Variants in KIRREL3 observed in about 807,000 individuals in gnomAD.
KIRREL3 encodes kirre like nephrin family adhesion molecule 3.
A neutral mutation model predicts 89.7 loss-of-function variants in KIRREL3; 36 were observed. The observed-to-expected ratio is 0.40, with a 90% CI of 0.31 to 0.53. The LOEUF is 0.53. Among genes scored for constraint, KIRREL3 ranks in the 20% least tolerant of loss-of-function variants. The probability of loss-of-function intolerance (pLI) is 0.49; values close to 1 mark genes in which losing one functional copy is unlikely to be tolerated. For synonymous variants in KIRREL3, 445 were observed against 441.4 expected (o/e 1.01, Z -0.10); for missense variants, 864 against 1,056.6 (o/e 0.82, Z 2.53).
At chr11:126,472,141 A>G (rs1261190420) in intron 5 of KIRREL3, among the ~76,000 whole-genome samples, 1 of 152,226 alleles carries the variant, frequency 6.6e-6, no homozygotes, top group Non-Finnish European at 1.5e-5. Context: ...CTTCTTTAGT[A>G]TAAGTATGGC....
chr11:126,683,786 C>T lies in KIRREL3; in HGVS notation c.56-120874G>A, dbSNP rs1262892385. Among the ~76,000 whole-genome samples, 1 of 152,220 alleles carries T rather than the reference C, an allele frequency of 6.6e-6. No individual in the cohort carries two copies. Among genetic ancestry groups the T allele is most frequent in the Non-Finnish European group, 1.5e-5 (1 of 68,044 alleles). On this transcript the variant is annotated intron_variant, in intron 1 of 16. Transcript: ENST00000525144. This position sits in a 1 kb window ranked among gnomAD's most constrained non-coding sequence, Gnocchi z 5.2. The stretch of plus-strand genomic sequence containing the variant: ...TGCATTCAGCAGGCCTGGCAGCCTC[C>T]TCTCTCTTGGGATGCAAACTGCTTA...
intron 1 of KIRREL3, among the ~76,000 whole-genome samples, chr11:126,567,113 A>G (rs1438421529): frequency 6.6e-6 from 1 of 152,186 alleles, no homozygotes; most frequent in Non-Finnish European, 1.5e-5. Flanking sequence ...TTCCTCACCA[A>G]TTCTGTGTTC....
In KIRREL3 at chr11:126,791,328, G is replaced by C. The variant is rs1322134743; in HGVS notation, c.55+209127C>G. ...AGGGAGGGCAGGTGTTATCATAATA[G>C]GACATTCCAATTCATCGTCCCTGGC... On this transcript the variant is annotated intron_variant, in intron 1 of 16. Transcript: ENST00000525144. The surrounding 1 kb of genome is among the most constrained non-coding windows in gnomAD (Gnocchi z 4.8). Among the ~76,000 whole-genome samples, 1 of 152,204 alleles carries C rather than the reference G, an allele frequency of 6.6e-6. No individual in the cohort carries two copies. The highest frequency in any genetic ancestry group is 1.5e-5 in the Non-Finnish European group (1 of 68,042).
Position 126,954,442 on chromosome 11 carries a change from C to A in KIRREL3, c.55+46013G>T, listed in dbSNP as rs2135158075. 6.6e-6 allele frequency among the ~76,000 whole-genome samples: 1 copy of A among 152,192 alleles called. No individual in the cohort carries two copies. Among genetic ancestry groups the A allele is most frequent in the Non-Finnish European group, 1.5e-5 (1 of 68,006 alleles). ...CATGAAGGATCTGTAAATTACAAAT[C>A]ATCTGGGCCCTCAGAAATGCTTAAT... is the stretch of plus-strand genomic sequence containing the variant. On this transcript the variant is annotated intron_variant, in intron 1 of 16. Coordinates refer to ENST00000525144, the MANE Select transcript of KIRREL3 (RefSeq NM_032531.4). The surrounding 1 kb of genome is among the most constrained non-coding windows in gnomAD (Gnocchi z 4.1).
chr11:126,900,779 A>C lies in KIRREL3; in HGVS notation c.55+99676T>G, dbSNP rs1177987644. On this transcript the variant is annotated intron_variant, in intron 1 of 16. Transcript: ENST00000525144. The surrounding 1 kb of genome is among the most constrained non-coding windows in gnomAD (Gnocchi z 4.4). ...GGCAAAGTATTGATTGTATATCTTC[A>C]GGGCTGTTGAGCTCTTTCAGAGTAT... Among the ~76,000 whole-genome samples, 1 of 152,248 alleles carries C rather than the reference A, an allele frequency of 6.6e-6. No homozygotes were observed. Among genetic ancestry groups the C allele is most frequent in the African/African-American group, 2.4e-5 (1 of 41,460 alleles).
At chr11:126,667,664 G>A (rs1318492769) in intron 1 of KIRREL3, among the ~76,000 whole-genome samples, 1 of 152,172 alleles carries the variant, frequency 6.6e-6, no homozygotes, top group African/African-American at 2.4e-5. Context: ...CGGCTTAGTT[G>A]AATGGTCACC....
At position 126,435,218 on chromosome 11, in the gene KIRREL3, G is replaced by A. The variant is rs772185133; in HGVS notation, c.1588+50C>T. 12 of 1,603,418 alleles carry A rather than the reference G, an allele frequency of 7.5e-6. No individual in the cohort carries two copies. In the African/African-American group the frequency reaches 1.6e-4, roughly 21 times the overall value. ...CTGGGTTCCCTCCCCAGCTAGCCAG[G>A]AAGTCCCTTCCCCCCTTCCCAGGGC... On this transcript the variant is annotated intron_variant, in intron 13 of 16. Transcript: ENST00000525144.
Position 126,428,487 on chromosome 11 carries a change from T to A in KIRREL3, c.1806+692A>T, listed in dbSNP as rs1016403665. Among the ~76,000 whole-genome samples, 2 of 151,550 alleles carry A rather than the reference T, an allele frequency of 1.3e-5. No individual in the cohort carries two copies. Among genetic ancestry groups the A allele is most frequent in the East Asian group, 3.9e-4 (2 of 5,154 alleles). On this transcript the variant is annotated intron_variant, in intron 15 of 16. Transcript: ENST00000525144. The surrounding 1 kb of genome is among the most constrained non-coding windows in gnomAD (Gnocchi z 6.4). ...GACTGTTTTGGTGGGGTGCGGGGGATGAGGGAGAGGGACATGTATTGAATA... is the reference window on the plus strand; with the variant it reads ...GACTGTTTTGGTGGGGTGCGGGGGAAGAGGGAGAGGGACATGTATTGAATA...
At chr11:126,435,927 C>G (rs1321989556) in intron 12 of KIRREL3, among the ~76,000 whole-genome samples, 1 of 152,176 alleles carries the variant, frequency 6.6e-6, no homozygotes, top group Non-Finnish European at 1.5e-5. Flanking sequence ...CCTGGTCCAC[C>G]ATGGCTTAGC....
chr11:126,828,356 C>T (rs1943487769), intron 1 of KIRREL3, among the ~76,000 whole-genome samples: 1 of 152,006 alleles, frequency 6.6e-6, no homozygotes, highest in Non-Finnish European at 1.5e-5. Flanking sequence ...GTCTGAAAGG[C>T]AGGTCTCCTG....
At chr11:126,944,870 T>C (rs1034399284) in intron 1 of KIRREL3, 7 of 152,276 alleles carry the variant, frequency 4.6e-5, no homozygotes, top group African/African-American at 1.7e-4. Context: ...ATATTGGCTC[T>C]GACCAGATTT....
At chr11:126,589,316 G>A (rs901450360) in intron 1 of KIRREL3, among the ~76,000 whole-genome samples, 10 of 152,352 alleles carry the variant, frequency 6.6e-5, no homozygotes, top group South Asian at 6.2e-4. Context: ...TACAACCTGC[G>A]TGGGGTGTGG....
At position 126,843,835 on chromosome 11, in the gene KIRREL3, C is replaced by T. The variant is rs1489871774; in HGVS notation, c.55+156620G>A. Among the ~76,000 whole-genome samples the T allele has an allele frequency of 1.3e-5, 2 of 152,122 alleles. No homozygotes were observed. The highest frequency in any genetic ancestry group is 4.8e-5 in the African/African-American group (2 of 41,412). On this transcript the variant is annotated intron_variant, in intron 1 of 16. Transcript: ENST00000525144. The surrounding 1 kb of genome is among the most constrained non-coding windows in gnomAD (Gnocchi z 4.6). The stretch of plus-strand genomic sequence containing the variant: ...GTCATCCTCACTGCTACACTCCCAC[C>T]CGTGCCATGACAGTTTACAAATGCC...
At chr11:126,593,235 T>G (rs1381112503) in intron 1 of KIRREL3, among the ~76,000 whole-genome samples, 1 of 152,254 alleles carries the variant, frequency 6.6e-6, no homozygotes, top group Admixed American at 6.5e-5. Context: ...ATCCTGTAAT[T>G]GACTGACTCA....
Position 126,516,084 on chromosome 11 carries a change from G to T in KIRREL3, c.433+5231C>A, listed in dbSNP as rs953846761. ...AGAGCTGTGGCAAAGGGAGCTTGTG[G>T]TTTTGAAAAACAAACTAGTTAAGGA... On this transcript the variant is annotated intron_variant, in intron 4 of 16. Coordinates refer to ENST00000525144, the MANE Select transcript of KIRREL3 (RefSeq NM_032531.4). This position sits in a 1 kb window ranked among gnomAD's most constrained non-coding sequence, Gnocchi z 4.9. Among the ~76,000 whole-genome samples, 2 of 152,156 alleles carry T rather than the reference G, an allele frequency of 1.3e-5. No individual in the cohort carries two copies. The highest frequency in any genetic ancestry group is 1.3e-4 in the Admixed American group (2 of 15,276).
At chr11:126,751,517 T>C (rs543499252) in intron 1 of KIRREL3, among the ~76,000 whole-genome samples, 188 of 152,344 alleles carry the variant, frequency 1.2e-3, no homozygotes, top group African/African-American at 4.3e-3. Context: ...GAGATGATTT[T>C]CTACACATCC....
At chr11:126,511,897 C>T (rs1230461373) in intron 4 of KIRREL3, among the ~76,000 whole-genome samples, 3 of 152,166 alleles carry the variant, frequency 2.0e-5, no homozygotes, top group African/African-American at 4.8e-5. Context: ...TTATTTTTAG[C>T]CCTCAGAGGG....
intron 1 of KIRREL3, among the ~76,000 whole-genome samples, chr11:126,956,465 A>G (rs1445864154): frequency 2.0e-5 from 3 of 152,200 alleles, no homozygotes; most frequent in Non-Finnish European, 4.4e-5. Flanking sequence ...TCCAGGGGGA[A>G]ACTCCAAATG....
intron 1 of KIRREL3, among the ~76,000 whole-genome samples, chr11:126,738,767 T>C (rs1220987253): frequency 6.6e-6 from 1 of 152,142 alleles, no homozygotes; most frequent in Non-Finnish European, 1.5e-5. Flanking sequence ...CCCAGAGAGA[T>C]TTGCTGCTGC....
Sources: allele counts gnomAD v4.1 joint callset (sites outside exome capture counted in the v4.1 genomes callset), GRCh38; gene constraint gnomAD v4.1.1; non-coding constraint Gnocchi (gnomAD v3.1); transcripts MANE v1.5; gene names NCBI Gene and HGNC (gene_info 2026-07-23, HGNC 2026-07-21).